PALM2AKAP2: variants seen among roughly 807,000 people sequenced by gnomAD.
PALM2AKAP2 encodes the protein PALM2 and AKAP2 fusion.
PALM2AKAP2 carries 37 observed loss-of-function variants against 71.5 expected under a neutral mutation model. That is an observed-to-expected ratio of 0.52 (90% CI 0.40 to 0.68). The LOEUF is 0.68. PALM2AKAP2 is among the 30% of genes least tolerant of loss of function. PALM2AKAP2 has a pLI of 0.00. For missense variants in PALM2AKAP2, 1,224 were observed against 1,191.8 expected, an observed-to-expected ratio of 1.03 and a Z score of -0.40; for synonymous variants, 468 against 478.8, an observed-to-expected ratio of 0.98 and a Z score of 0.29.
intron 1 of PALM2AKAP2, among the ~76,000 whole-genome samples, chr9:109,732,265 G>T (rs796729400): frequency 7.2e-5 from 11 of 152,314 alleles, no homozygotes; most frequent in African/African-American, 2.6e-4. Flanking sequence ...GCCTCAGAAG[G>T]CTGGGAAGGT....
intron 1 of PALM2AKAP2, among the ~76,000 whole-genome samples, chr9:110,075,679 C>A (rs1834305557): frequency 6.6e-6 from 1 of 151,672 alleles, no homozygotes; most frequent in South Asian, 2.1e-4. Context: ...ACTTTTGGAT[C>A]CTAATGTTTT....
chr9:110,058,901 T>TTG (rs1206191805), intron 1 of PALM2AKAP2, among the ~76,000 whole-genome samples: 1 of 143,488 alleles, frequency 7.0e-6, no homozygotes, highest in African/African-American at 2.7e-5. Context: ...TTTTTTGGTT[T>TTG]TTTTTTTTTT....
chr9:109,948,761 T>A (rs1467904912), intron 6 of PALM2AKAP2, among the ~76,000 whole-genome samples: 2 of 152,196 alleles, frequency 1.3e-5, no homozygotes, highest in African/African-American at 4.8e-5. Flanking sequence ...AGTGAAAGAA[T>A]AGAAATACAG....
intron 1 of PALM2AKAP2, among the ~76,000 whole-genome samples, chr9:109,683,415 T>G (rs1234500733): frequency 6.6e-6 from 1 of 152,108 alleles, no homozygotes; most frequent in African/African-American, 2.4e-5. Flanking sequence ...AGGCAGAGAT[T>G]GGAGTTCTCC....
At chr9:109,848,508 G>GAA (rs1345771538) in intron 1 of PALM2AKAP2, among the ~76,000 whole-genome samples, 1 of 152,174 alleles carries the variant, frequency 6.6e-6, no homozygotes, top group Non-Finnish European at 1.5e-5. Context: ...CCTGTGGAGA[G>GAA]AATGCAGCCT....
intron 7 of PALM2AKAP2, among the ~76,000 whole-genome samples, chr9:110,020,401 G>A (rs1195741792): frequency 6.6e-6 from 1 of 152,124 alleles, no homozygotes; most frequent in Non-Finnish European, 1.5e-5. Context: ...CCTCTCTTCT[G>A]GCTGAGCATG....
At chr9:109,943,193 C>T in intron 6 of PALM2AKAP2, 1 of 1,614,200 alleles carries the variant, frequency 6.2e-7, no homozygotes, top group Non-Finnish European at 8.5e-7. Context: ...TATGATGAAA[C>T]CATCAAGGCT....
intron 1 of PALM2AKAP2, among the ~76,000 whole-genome samples, chr9:110,061,075 G>A (rs373577726): frequency 2.6e-5 from 4 of 152,092 alleles, no homozygotes; most frequent in African/African-American, 9.7e-5. Context: ...ACCTTGTCAC[G>A]TCTCATGAAC....
intron 6 of PALM2AKAP2, among the ~76,000 whole-genome samples, chr9:109,951,438 A>G (rs1380086565): frequency 1.3e-5 from 2 of 152,244 alleles, no homozygotes; most frequent in African/African-American, 4.8e-5. Context: ...TCCTCTGTAC[A>G]GTATTAATAG....
chr9:109,920,783 G>A (rs940047653), intron 3 of PALM2AKAP2, among the ~76,000 whole-genome samples: 7 of 149,734 alleles, frequency 4.7e-5, no homozygotes, highest in African/African-American at 1.5e-4. Context: ...GCTCATGCCT[G>A]TAATCACACC....
upstream of PALM2AKAP2, among the ~76,000 whole-genome samples, chr9:109,777,212 T>C (rs1301200048): frequency 1.3e-5 from 2 of 152,198 alleles, no homozygotes; most frequent in Non-Finnish European, 2.9e-5. Context: ...CTCCTGAGAG[T>C]TGAACTCAAA....
At chr9:109,699,433 G>A (rs1485495791) in intron 1 of PALM2AKAP2, among the ~76,000 whole-genome samples, 5 of 152,122 alleles carry the variant, frequency 3.3e-5, no homozygotes, top group Non-Finnish European at 5.9e-5. Context: ...AAAGATTTTT[G>A]TACAAGGATG....
chr9:109,678,946 G>T (rs1827687365), intron 1 of PALM2AKAP2, among the ~76,000 whole-genome samples: 1 of 152,106 alleles, frequency 6.6e-6, no homozygotes, highest in Admixed American at 6.5e-5. Flanking sequence ...TGAGAGCTCT[G>T]GAAAATGCAA....
At chr9:109,928,998 G>T (rs1831025074) in intron 5 of PALM2AKAP2, among the ~76,000 whole-genome samples, 1 of 152,024 alleles carries the variant, frequency 6.6e-6, no homozygotes, top group Non-Finnish European at 1.5e-5. Context: ...AAGCCATGTA[G>T]CCCAACCCTC....
At chr9:109,843,332 A>C (rs1010312444) in intron 1 of PALM2AKAP2, among the ~76,000 whole-genome samples, 1 of 149,398 alleles carries the variant, frequency 6.7e-6, no homozygotes, top group Admixed American at 6.7e-5. Flanking sequence ...AAAGAAGAAG[A>C]CTTTTTGAAT....
At chr9:110,094,112 C>G (rs916605772) in intron 1 of PALM2AKAP2, among the ~76,000 whole-genome samples, 1 of 152,146 alleles carries the variant, frequency 6.6e-6, no homozygotes, top group East Asian at 1.9e-4. Flanking sequence ...TCAATAGCAC[C>G]GCTGTTGAGA....
chr9:109,677,173 G>T (rs1008792759), intron 1 of PALM2AKAP2, among the ~76,000 whole-genome samples: 5 of 152,148 alleles, frequency 3.3e-5, no homozygotes, highest in Non-Finnish European at 7.4e-5. Flanking sequence ...CAAAGAGATT[G>T]ACAGGAGAGA....
intron 1 of PALM2AKAP2, among the ~76,000 whole-genome samples, chr9:110,099,031 A>C (rs553269979): frequency 8.5e-5 from 13 of 152,284 alleles, no homozygotes; most frequent in African/African-American, 3.1e-4. Context: ...AAAAATGTTC[A>C]CTTCTTATTG....
chr9:109,905,698 C>T (rs1044234358), intron 3 of PALM2AKAP2, among the ~76,000 whole-genome samples: 2 of 152,236 alleles, frequency 1.3e-5, no homozygotes, highest in Non-Finnish European at 2.9e-5. Flanking sequence ...TAATGCAGCT[C>T]AGTAGGTTAA....
Sources: gnomAD v4.1 joint callset for allele counts (sites outside exome capture counted in the v4.1 genomes callset) on GRCh38, gnomAD v4.1.1 for gene constraint, MANE v1.5 for transcripts, NCBI Gene and HGNC (gene_info 2026-07-23, HGNC 2026-07-21) for gene names.